The following SOX30 variants were observed in gnomAD, a reference collection of about 807,000 sequenced individuals.
SOX30 encodes the protein transcription factor SOX-30.
A neutral mutation model predicts 58.6 loss-of-function variants in SOX30; 17 were observed. The observed-to-expected ratio is 0.29, with a 90% CI of 0.20 to 0.44. The LOEUF is 0.44. Ranked by LOEUF, SOX30 falls within the 20% of genes least tolerant of loss-of-function variation. The probability of loss-of-function intolerance (pLI) is 1.00; values close to 1 mark genes in which losing one functional copy is unlikely to be tolerated. For synonymous variants in SOX30, 421 were observed against 400.2 expected (o/e 1.05, Z -0.62); for missense variants, 951 against 965.8 (o/e 0.98, Z 0.20).
At chr5:157,627,797 A>G (rs916999610) in intron 4 of SOX30, among the ~76,000 whole-genome samples, 4 of 152,156 alleles carry the variant, frequency 2.6e-5, no homozygotes, top group African/African-American at 7.2e-5. Flanking sequence ...GATCGAGACC[A>G]TCCTGGCTAA....
chr5:157,626,647 T>C lies in SOX30; in HGVS notation c.1955A>G (p.Tyr652Cys), dbSNP rs545348427. 3 of 1,614,154 alleles carry C rather than the reference T, an allele frequency of 1.9e-6. No individual in the cohort carries two copies. The East Asian group carries it at 6.7e-5, about 36-fold the overall frequency. The change falls in exon 5 of 5, where the codon TAT (tyrosine) becomes TGT (cysteine). Residue 652 changes from tyrosine to cysteine, a missense_variant. By Grantham distance (194) the Tyr-to-Cys change is radical. Coordinates refer to ENST00000265007, the MANE Select transcript of SOX30 (RefSeq NM_178424.2). Reference protein sequence around the residue: ...PSSMPECLSYYEDRYPKHEGI... With the variant: ...PSSMPECLSYCEDRYPKHEGI... ...CTCATGTTTTGGGTACCTGTCTTCA[T>C]AATAACTAAGGCATTCTGGCATTGA...
intron 4 of SOX30, among the ~76,000 whole-genome samples, chr5:157,629,731 G>A (rs1015036315): frequency 6.6e-6 from 1 of 152,138 alleles, no homozygotes; most frequent in Non-Finnish European, 1.5e-5. Flanking sequence ...CACTCAGAAC[G>A]ACCCTAAGAC....
chr5:157,646,320 T>G (rs1759192557), intron 3 of SOX30, among the ~76,000 whole-genome samples: 1 of 152,222 alleles, frequency 6.6e-6, no homozygotes, highest in Non-Finnish European at 1.5e-5. Flanking sequence ...ATGCTGTTAG[T>G]AAAAAGACTC....
chr5:157,655,890 T>A (rs748596668), upstream of SOX30, among the ~76,000 whole-genome samples: 37 of 152,226 alleles, frequency 2.4e-4, no homozygotes, highest in Non-Finnish European at 3.7e-4. Flanking sequence ...TATTGTTCTG[T>A]CATAAAGAGG....
At chr5:157,668,263 A>C (rs892533919) in intron 1 of SOX30, among the ~76,000 whole-genome samples, 1 of 152,158 alleles carries the variant, frequency 6.6e-6, no homozygotes, top group Non-Finnish European at 1.5e-5. Context: ...TGGGATGAAG[A>C]CTTATTCCCC....
chr5:157,636,686 A>G (rs1420827213), intron 4 of SOX30, among the ~76,000 whole-genome samples: 1 of 152,214 alleles, frequency 6.6e-6, no homozygotes, highest in East Asian at 1.9e-4. Flanking sequence ...ATATACCTCA[A>G]AAGTTGTTTC....
chr5:157,649,988 G>A (rs1759289567), intron 1 of SOX30, among the ~76,000 whole-genome samples: 1 of 152,194 alleles, frequency 6.6e-6, no homozygotes, highest in East Asian at 1.9e-4. Context: ...GGCCAAGGCG[G>A]AGGACTGCTT....
intron 4 of SOX30, among the ~76,000 whole-genome samples, chr5:157,636,567 T>C: frequency 6.6e-6 from 1 of 152,164 alleles, no homozygotes; most frequent in East Asian, 1.9e-4. Context: ...AAACCCTAGA[T>C]GACAAAAATC....
chr5:157,660,848 A>G (rs1759563907), intron 2 of SOX30, among the ~76,000 whole-genome samples: 1 of 152,190 alleles, frequency 6.6e-6, no homozygotes, highest in Non-Finnish European at 1.5e-5. Context: ...AGCAAACCCT[A>G]ATGGTATTTA....
chr5:157,645,697 G>T (rs1044582362), intron 3 of SOX30, among the ~76,000 whole-genome samples: 2 of 151,304 alleles, frequency 1.3e-5, no homozygotes, highest in Non-Finnish European at 3.0e-5. Context: ...AGTAGTGAAT[G>T]TATAAAGCTC....
At chr5:157,645,764 T>TAC (rs905588466) in intron 3 of SOX30, among the ~76,000 whole-genome samples, 3 of 151,950 alleles carry the variant, frequency 2.0e-5, no homozygotes, top group African/African-American at 7.3e-5. Flanking sequence ...CTCACACCTG[T>TAC]AATCCCAGCA....
At chr5:157,631,094 T>G (rs1310034281) in intron 4 of SOX30, among the ~76,000 whole-genome samples, 1 of 130,722 alleles carries the variant, frequency 7.6e-6, no homozygotes, top group African/African-American at 2.8e-5. Flanking sequence ...ATTTTATATA[T>G]GTAATTTAAG....
At position 157,651,536 on chromosome 5, in the gene SOX30, G is replaced by T. The variant is rs745829637; in HGVS notation, c.543C>A (p.Asp181Glu). The change falls in exon 1 of 5, where the codon GAC becomes GAA. Residue 181 changes from aspartate to glutamate, a missense_variant. Coordinates refer to ENST00000265007, the MANE Select transcript of SOX30 (RefSeq NM_178424.2). Reference sequence around the variant, plus strand: ...CCTCCGCCTCCAGCTTGCCCTTCTCGTCCCCTCGGAAGTAGCCGAGGGCCG... The same window carrying T: ...CCTCCGCCTCCAGCTTGCCCTTCTCTTCCCCTCGGAAGTAGCCGAGGGCCG... ...PGPALGYFRG[D>E]EKGKLEAEEV... 2 of 1,613,174 alleles carry T rather than the reference G, an allele frequency of 1.2e-6. No individual in the cohort carries two copies. The highest frequency in any genetic ancestry group is 1.7e-6 in the Non-Finnish European group (2 of 1,180,014).
chr5:157,670,405 ATGT>A (rs747139799), intron 1 of SOX30, among the ~76,000 whole-genome samples: 1 of 152,286 alleles, frequency 6.6e-6, no homozygotes, highest in East Asian at 1.9e-4. Flanking sequence ...CCTTAAAAGG[ATGT>A]TGTGAAATTT....
intron 2 of SOX30, among the ~76,000 whole-genome samples, chr5:157,666,476 TAGAC>T (rs1401520349): frequency 9.4e-6 from 1 of 106,832 alleles, no homozygotes. Flanking sequence ...TTTAGTCCAG[TAGAC>T]ACACACACAC....
intron 2 of SOX30, among the ~76,000 whole-genome samples, chr5:157,660,147 G>A (rs200081751): frequency 6.6e-6 from 1 of 152,208 alleles, no homozygotes; most frequent in East Asian, 1.9e-4. Flanking sequence ...CTAGCCTGGT[G>A]CAGTTGTTCA....
intron 4 of SOX30, among the ~76,000 whole-genome samples, chr5:157,631,684 G>A (rs751308740): frequency 2.0e-5 from 3 of 150,230 alleles, no homozygotes; most frequent in East Asian, 2.0e-4. Flanking sequence ...TTGCTTGCTC[G>A]AACCCGGGAG....
intron 2 of SOX30, among the ~76,000 whole-genome samples, chr5:157,665,149 G>A (rs867712532): frequency 3.2e-4 from 48 of 152,244 alleles, no homozygotes; most frequent in Admixed American, 1.2e-3. Flanking sequence ...ACATGCACAC[G>A]TATGTTTATT....
upstream of SOX30, among the ~76,000 whole-genome samples, chr5:157,656,674 G>A (rs1485498439): frequency 6.6e-6 from 1 of 152,238 alleles, no homozygotes; most frequent in Non-Finnish European, 1.5e-5. Flanking sequence ...CTGAAGAATA[G>A]TTCTACACAT....
Sources: gnomAD v4.1 joint callset for allele counts (sites outside exome capture counted in the v4.1 genomes callset) on GRCh38, gnomAD v4.1.1 for gene constraint, MANE v1.5 for transcripts, NCBI Gene and HGNC (gene_info 2026-07-23, HGNC 2026-07-21) for gene names.